Variants in ERGIC1 observed in about 807,000 individuals in gnomAD.
ERGIC1 encodes the protein endoplasmic reticulum-Golgi intermediate compartment protein 1.
In ERGIC1, 19 loss-of-function variants were observed where a neutral mutation model predicts 38.3. The observed-to-expected ratio is 0.50, with a 90% CI of 0.35 to 0.73. The LOEUF (loss-of-function observed/expected upper bound fraction) is 0.73. ERGIC1 is among the 30% of genes least tolerant of loss of function. ERGIC1 has a pLI of 0.01. For synonymous variants in ERGIC1, 124 were observed against 157.6 expected, an observed-to-expected ratio of 0.79 and a Z score of 1.60; for missense variants, 294 against 389.2, an observed-to-expected ratio of 0.76 and a Z score of 2.06.
chr5:172,949,436 C>T (rs1764186203), intron 9 of ERGIC1, among the ~76,000 whole-genome samples: 1 of 152,162 alleles, frequency 6.6e-6, no homozygotes, highest in Non-Finnish European at 1.5e-5. Flanking sequence ...GGGTGGTAGG[C>T]ATGGAGCACT....
chr5:172,878,423 T>C (rs921769552), intron 1 of ERGIC1, among the ~76,000 whole-genome samples: 1 of 152,146 alleles, frequency 6.6e-6, no homozygotes, highest in African/African-American at 2.4e-5. Context: ...GCCCTGCATC[T>C]TGGGCAAGTA....
chr5:172,901,962 T>C (rs1762892229), intron 3 of ERGIC1, among the ~76,000 whole-genome samples: 1 of 152,182 alleles, frequency 6.6e-6, no homozygotes, highest in South Asian at 2.1e-4. Flanking sequence ...CAACTACTAC[T>C]GTTCACCCCA....
chr5:172,899,289 C>T (rs1018421172), intron 3 of ERGIC1, among the ~76,000 whole-genome samples: 1 of 148,640 alleles, frequency 6.7e-6, no homozygotes, highest in African/African-American at 2.5e-5. Context: ...TCTGAGCTGC[C>T]AGGTAGAATT....
intron 3 of ERGIC1, among the ~76,000 whole-genome samples, chr5:172,903,277 C>T (rs973384234): frequency 6.6e-6 from 1 of 152,128 alleles, no homozygotes. Flanking sequence ...GGGACAGACG[C>T]AACTGGACCC....
At position 172,951,678 on chromosome 5, in the gene ERGIC1, G is replaced by T. The variant is rs1046485341; in HGVS notation, c.*862G>T. On this transcript the variant is annotated 3_prime_UTR_variant, in exon 10 of 10. Transcript: ENST00000393784. ...TGGGATCTGCAGTGGCAGGGAGTGG[G>T]GGTTGTGTAAAGGGGAAGTCATCTT... is the stretch of plus-strand genomic sequence containing the variant. 2.0e-5 allele frequency: 3 copies of T among 152,300 alleles called. No individual in the cohort carries two copies. The highest frequency in any genetic ancestry group is 4.4e-5 in the Non-Finnish European group (3 of 68,100). 9.4% of individuals were successfully genotyped at this position (152,300 alleles called of 1,614,324 possible).
intron 5 of ERGIC1, among the ~76,000 whole-genome samples, chr5:172,923,501 G>A (rs523172): frequency 0.22 from 33,685 of 152,084 alleles, 4,079 homozygotes; most frequent in African/African-American, 0.31. Flanking sequence ...TTGGCTCTGC[G>A]AGGGCTTGAG....
intron 1 of ERGIC1, among the ~76,000 whole-genome samples, chr5:172,868,421 A>C (rs1219393424): frequency 6.6e-6 from 1 of 152,222 alleles, no homozygotes; most frequent in African/African-American, 2.4e-5. Context: ...GGAACCTTAC[A>C]TGCCTCTTAC....
chr5:172,861,830 AAAG>A (rs1302972846), intron 1 of ERGIC1, among the ~76,000 whole-genome samples: 1 of 152,198 alleles, frequency 6.6e-6, no homozygotes, highest in African/African-American at 2.4e-5. Flanking sequence ...TAAGGGCAGA[AAAG>A]AAAAGAGGAG....
chr5:172,854,363 A>T (rs980765856), intron 1 of ERGIC1, among the ~76,000 whole-genome samples: 1 of 152,236 alleles, frequency 6.6e-6, no homozygotes, highest in Non-Finnish European at 1.5e-5. Flanking sequence ...AGCCTGGACA[A>T]CAGAGTGAGA....
chr5:172,893,935 G>GTGTGTGTGTGTGTGTGTGTA (rs1429850022), intron 2 of ERGIC1, among the ~76,000 whole-genome samples: 564 of 42,628 alleles, frequency 0.013, 15 homozygotes, highest in Non-Finnish European at 0.019. Context: ...GTGTGTGTGT[G>GTGTGTGTGTGTGTGTGTGTA]TATATATATA....
chr5:172,856,371 C>T (rs1317465240), intron 1 of ERGIC1, among the ~76,000 whole-genome samples: 1 of 152,206 alleles, frequency 6.6e-6, no homozygotes, highest in African/African-American at 2.4e-5. Context: ...CAGTGCTTGA[C>T]TGGAAGAGAA....
chr5:172,951,765 A>T lies in ERGIC1; in HGVS notation c.*949A>T, dbSNP rs572848468. 1 of 152,474 alleles carries T rather than the reference A, an allele frequency of 6.6e-6. No individual in the cohort carries two copies. The highest frequency in any genetic ancestry group is 1.9e-4 in the East Asian group (1 of 5,194). The allele number at this position is 152,474 out of a possible 1,614,324, so 9.4% of individuals were successfully genotyped here. Reference sequence around the variant, plus strand: ...CCAGATGGGAAGCATCCTTCCTGCAACCCTAAAATAATCATGCAGCCTCTC... The same window carrying T: ...CCAGATGGGAAGCATCCTTCCTGCATCCCTAAAATAATCATGCAGCCTCTC... On this transcript the variant is annotated 3_prime_UTR_variant, in exon 10 of 10. Transcript: ENST00000393784.
At chr5:172,842,283 G>A (rs1038917733) in intron 1 of ERGIC1, among the ~76,000 whole-genome samples, 2 of 152,236 alleles carry the variant, frequency 1.3e-5, no homozygotes, top group African/African-American at 4.8e-5. Context: ...GTGGAATCAT[G>A]CAGTCTTCAT....
intron 1 of ERGIC1, among the ~76,000 whole-genome samples, chr5:172,872,096 G>A (rs1581529440): frequency 1.3e-5 from 2 of 152,130 alleles, no homozygotes; most frequent in African/African-American, 4.8e-5. Flanking sequence ...CAGTAACCTT[G>A]TGTTCAGATG....
chr5:172,892,565 C>G (rs756727983), intron 2 of ERGIC1, among the ~76,000 whole-genome samples: 1 of 152,134 alleles, frequency 6.6e-6, no homozygotes, highest in African/African-American at 2.4e-5. Flanking sequence ...TACCATCAAG[C>G]CTTCTCCTGG....
intron 1 of ERGIC1, among the ~76,000 whole-genome samples, chr5:172,877,996 T>C (rs544058071): frequency 1.4e-4 from 21 of 152,248 alleles, no homozygotes; most frequent in African/African-American, 5.1e-4. Flanking sequence ...GGGAGTGTGG[T>C]TTGTCTGGCC....
rs543754181 is a variant in ERGIC1, at chr5:172,926,450, G to A, written c.481-59G>A. 14 of 1,601,912 alleles carry A rather than the reference G, an allele frequency of 8.7e-6. No individual in the cohort carries two copies. The highest frequency in any genetic ancestry group is 1.3e-5 in the African/African-American group (1 of 74,772). ...GTACCTGGCCATCCCCCACAACCAG[G>A]GCCAGGCCTGGAGGTGGAGGTGTCC... On this transcript the variant is annotated intron_variant, in intron 6 of 9. Transcript: ENST00000393784. This position sits in a 1 kb window ranked among gnomAD's most constrained non-coding sequence, Gnocchi z 5.2.
rs542150748 is a variant in ERGIC1, at chr5:172,939,850, G to A, written c.765+4540G>A. On this transcript the variant is annotated intron_variant, in intron 9 of 9. Coordinates refer to ENST00000393784, the MANE Select transcript of ERGIC1 (RefSeq NM_001031711.3). The stretch of plus-strand genomic sequence containing the variant: ...ACAGGGCAGCAGATGTGGGGATGAC[G>A]CCAGCACTCAGACACACACGTACAC... 4.1e-4 allele frequency among the ~76,000 whole-genome samples: 62 copies of A among 152,356 alleles called. 1 individual carries two copies. The highest frequency in any genetic ancestry group is 3.5e-3 in the Admixed American group (53 of 15,306).
chr5:172,913,375 G>C (rs2113398814), intron 4 of ERGIC1, among the ~76,000 whole-genome samples: 2 of 152,366 alleles, frequency 1.3e-5, no homozygotes, highest in Middle Eastern at 6.8e-3. Context: ...AGGACAGGCT[G>C]CCAACATTGG....
Sources: allele counts gnomAD v4.1 joint callset (sites outside exome capture counted in the v4.1 genomes callset), GRCh38; gene constraint gnomAD v4.1.1; non-coding constraint Gnocchi (gnomAD v3.1); transcripts MANE v1.5; gene names NCBI Gene and HGNC (gene_info 2026-07-23, HGNC 2026-07-21).